Variants in APBA2 observed in about 807,000 individuals in gnomAD.
APBA2 encodes the protein amyloid-beta A4 precursor protein-binding family A member 2.
In APBA2, 30 loss-of-function variants were observed where a neutral mutation model predicts 75.0. The observed-to-expected ratio is 0.40, with a 90% CI of 0.30 to 0.54. The LOEUF is 0.54. APBA2 is among the 20% of genes least tolerant of loss of function. The pLI is 0.49. For synonymous variants in APBA2, 444 were observed against 409.6 expected (o/e 1.08, Z -1.01); for missense variants, 801 against 1,016.1 (o/e 0.79, Z 2.88).
rs545036516 is a variant in APBA2 at position 28,996,069 on chromosome 15, A to G, written c.-41+263A>G. Among the ~76,000 whole-genome samples the G allele has an allele frequency of 4.6e-5, 7 of 152,202 alleles. No homozygotes were observed. The South Asian group carries it at 1.5e-3, about 32-fold the overall frequency. On this transcript the variant is annotated intron_variant, in intron 3 of 14. Coordinates refer to ENST00000683413, the MANE Select transcript of APBA2 (RefSeq NM_001353788.2). ...GACCTGCCCACCACCCAATGACAAC[A>G]CAGCAAGACACGCACTCCCCATCTG...
intron 1 of APBA2, among the ~76,000 whole-genome samples, chr15:28,908,077 G>C (rs1345356328): frequency 6.6e-6 from 1 of 152,154 alleles, no homozygotes; most frequent in Non-Finnish European, 1.5e-5. Flanking sequence ...GCCTGTGCCC[G>C]TGACCTGGCT....
At chr15:29,062,130 G>A (rs982879692) in intron 4 of APBA2, among the ~76,000 whole-genome samples, 1 of 152,118 alleles carries the variant, frequency 6.6e-6, no homozygotes, top group African/African-American at 2.4e-5. Context: ...GGAAGGGGAA[G>A]GTCCTCTCCA....
chr15:28,953,618 G>A (rs560995370), intron 2 of APBA2, among the ~76,000 whole-genome samples: 2 of 152,166 alleles, frequency 1.3e-5, no homozygotes, highest in Admixed American at 1.3e-4. Flanking sequence ...AAGACTCCAA[G>A]TCTCCAGATC....
intron 1 of APBA2, among the ~76,000 whole-genome samples, chr15:28,913,784 C>G (rs1415864727): frequency 6.6e-6 from 1 of 152,180 alleles, no homozygotes; most frequent in Non-Finnish European, 1.5e-5. Context: ...TTACAGTCAC[C>G]GAGTTTCTTT....
intron 3 of APBA2, among the ~76,000 whole-genome samples, chr15:29,038,373 T>C (rs927849819): frequency 1.1e-4 from 16 of 152,250 alleles, no homozygotes; most frequent in Middle Eastern, 3.4e-3. Flanking sequence ...CTCAGAGGAT[T>C]GGGGGATTGA....
chr15:28,962,353 C>T (rs536002609), intron 2 of APBA2, among the ~76,000 whole-genome samples: 11 of 151,974 alleles, frequency 7.2e-5, no homozygotes, highest in South Asian at 2.1e-4. Context: ...GGGCAGTTCA[C>T]GAGGTCAGGA....
chr15:29,061,762 C>A (rs1028821057), intron 4 of APBA2, among the ~76,000 whole-genome samples: 2 of 152,320 alleles, frequency 1.3e-5, no homozygotes, highest in East Asian at 3.9e-4. Context: ...CTGGGTGTGT[C>A]CCCCAGGTGG....
chr15:28,894,345 G>A (rs1424058731), intron 1 of APBA2, among the ~76,000 whole-genome samples: 2 of 152,210 alleles, frequency 1.3e-5, no homozygotes, highest in Non-Finnish European at 2.9e-5. Context: ...GGGATCAGGA[G>A]GGAGGGCATG....
intron 3 of APBA2, among the ~76,000 whole-genome samples, chr15:29,050,211 A>G (rs2041528922): frequency 6.6e-6 from 1 of 152,224 alleles, no homozygotes; most frequent in African/African-American, 2.4e-5. Flanking sequence ...ACTGTAAGCT[A>G]GAAGATAGTG....
At chr15:29,071,009 C>T (rs1268653023) in intron 4 of APBA2, 1 of 450,986 alleles carries the variant, frequency 2.2e-6, no homozygotes, top group Non-Finnish European at 4.4e-6. Flanking sequence ...TCCACTGATG[C>T]CCTCTATCCC....
intron 1 of APBA2, among the ~76,000 whole-genome samples, chr15:28,894,621 G>A (rs1322984403): frequency 6.6e-6 from 1 of 152,210 alleles, no homozygotes; most frequent in African/African-American, 2.4e-5. Context: ...GCTGGAGATG[G>A]GGGTTGGAGG....
At chr15:28,927,430 T>C (rs1047783695) in intron 2 of APBA2, among the ~76,000 whole-genome samples, 2 of 152,078 alleles carry the variant, frequency 1.3e-5, no homozygotes, top group Admixed American at 6.5e-5. Flanking sequence ...GTCATTAATT[T>C]TGAAAATATT....
intron 3 of APBA2, among the ~76,000 whole-genome samples, chr15:29,017,397 C>CTTTTTTT (rs56993296): frequency 8.8e-4 from 90 of 102,072 alleles, no homozygotes; most frequent in Middle Eastern, 5.8e-3. Context: ...TTCTTTCTTT[C>CTTTTTTT]TTTTTTTTTT....
intron 10 of APBA2, among the ~76,000 whole-genome samples, chr15:29,103,924 C>T (rs1202135454): frequency 2.0e-5 from 3 of 152,224 alleles, no homozygotes; most frequent in Admixed American, 2.0e-4. Context: ...CCCGGCGGCG[C>T]CATCTGGCGG....
Position 28,937,776 on chromosome 15 carries a change from C to T in APBA2, c.-95+16027C>T, listed in dbSNP as rs182582941. On this transcript the variant is annotated intron_variant, in intron 2 of 14. Coordinates refer to ENST00000683413, the MANE Select transcript of APBA2 (RefSeq NM_001353788.2). Reference sequence around the variant, plus strand: ...GGTTCACGCCATTCTCCTGCCTCAGCCTCCCGAGTAGCTGGGACTACAGGC... The same window carrying T: ...GGTTCACGCCATTCTCCTGCCTCAGTCTCCCGAGTAGCTGGGACTACAGGC... Among the ~76,000 whole-genome samples the T allele has an allele frequency of 5.9e-5, 9 of 152,190 alleles. 1 individual carries two copies. The highest frequency in any genetic ancestry group is 1.7e-4 in the African/African-American group (7 of 41,528).
intron 2 of APBA2, among the ~76,000 whole-genome samples, chr15:28,949,654 A>C (rs2035743739): frequency 6.6e-6 from 1 of 152,108 alleles, no homozygotes; most frequent in Admixed American, 6.5e-5. Flanking sequence ...TGTTTTGTAG[A>C]AACGGGGTCT....
intron 3 of APBA2, among the ~76,000 whole-genome samples, chr15:29,011,875 G>C (rs942017302): frequency 2.0e-5 from 3 of 151,886 alleles, no homozygotes; most frequent in African/African-American, 7.3e-5. Context: ...TTCCTAGTAG[G>C]TTGCCCTTTT....
chr15:28,962,509 C>T (rs924344848), intron 2 of APBA2, among the ~76,000 whole-genome samples: 3 of 152,132 alleles, frequency 2.0e-5, no homozygotes, highest in African/African-American at 7.2e-5. Flanking sequence ...GCGGAGGTTA[C>T]AGTGAGCAGA....
intron 2 of APBA2, among the ~76,000 whole-genome samples, chr15:28,982,226 T>A (rs2037662849): frequency 6.6e-6 from 1 of 152,154 alleles, no homozygotes; most frequent in Admixed American, 6.5e-5. Flanking sequence ...GAGTTAAGGA[T>A]TTTGTGTTTA....
Sources: gnomAD v4.1 joint callset for allele counts (sites outside exome capture counted in the v4.1 genomes callset) on GRCh38, gnomAD v4.1.1 for gene constraint, MANE v1.5 for transcripts, NCBI Gene and HGNC (gene_info 2026-07-23, HGNC 2026-07-21) for gene names.